The following ZNF322 variants were observed in gnomAD, a reference collection of about 807,000 sequenced individuals.
ZNF322 encodes zinc finger protein 322, also known as HLA complex group 12.
Under a neutral mutation model 18.3 loss-of-function variants are expected in ZNF322, and 1 was observed. The ratio of observed to expected loss-of-function variants is 0.05; its 90% CI spans 0.02 to 0.26. ZNF322 has a LOEUF of 0.26. Ranked by LOEUF, ZNF322 falls within the 10% of genes least tolerant of loss-of-function variation. ZNF322 has a pLI of 1.00. For synonymous variants in ZNF322, 17 were observed against 130.7 expected, an observed-to-expected ratio of 0.13 and a Z score of 5.93; for missense variants, 36 against 403.6, an observed-to-expected ratio of 0.09 and a Z score of 7.80.
chr6:26,646,738 T>G (rs9393739), intron 2 of ZNF322, among the ~76,000 whole-genome samples: 29,637 of 151,974 alleles, frequency 0.2, 3,025 homozygotes, highest in African/African-American at 0.24. Context: ...ACATGAATCA[T>G]CCACAAAAAT....
intron 2 of ZNF322, among the ~76,000 whole-genome samples, chr6:26,646,807 C>T (rs992558772): frequency 6.6e-6 from 1 of 152,058 alleles, no homozygotes. Context: ...TTACAAGAAA[C>T]AATCTGCAAC....
At chr6:26,640,551 T>C (rs912979436) in intron 3 of ZNF322, among the ~76,000 whole-genome samples, 1 of 152,192 alleles carries the variant, frequency 6.6e-6, no homozygotes, top group African/African-American at 2.4e-5. Flanking sequence ...AGTGAAGTCA[T>C]TTCCAACCAC....
In ZNF322 at chr6:26,659,734, C is replaced by G. The variant is rs1243402575; in HGVS notation, c.-628G>C. ...CCCTTTCAAGCTGGCTGGGAAGAGG[C>G]CGGCGCAGCCCCACCCCCGCAAGTC... is the stretch of plus-strand genomic sequence containing the variant. On this transcript the variant is annotated 5_prime_UTR_variant, in exon 1 of 4. Coordinates refer to ENST00000415922, the MANE Select transcript of ZNF322 (RefSeq NM_024639.5). 1.3e-5 allele frequency: 2 copies of G among 153,368 alleles called. No individual in the cohort carries two copies. The highest frequency in any genetic ancestry group is 4.8e-5 in the African/African-American group (2 of 41,488). The allele number at this position is 153,368 out of a possible 1,614,324, so 9.5% of individuals were successfully genotyped here. A position where few individuals can be genotyped will look rare whatever the true frequency, so the allele number is the denominator to read the frequency against.
chr6:26,649,998 A>G (rs1270631945), intron 2 of ZNF322, among the ~76,000 whole-genome samples: 3 of 151,846 alleles, frequency 2.0e-5, no homozygotes, highest in Non-Finnish European at 4.4e-5. Flanking sequence ...CCACTGTGCC[A>G]GCCAAAAACA....
At position 26,649,889 on chromosome 6, in the gene ZNF322, G is replaced by C. The variant is rs542762623; in HGVS notation, c.-245-6161C>G. Among the ~76,000 whole-genome samples, 13 of 150,930 alleles carry C rather than the reference G, an allele frequency of 8.6e-5. No homozygotes were observed. The East Asian group carries it at 2.1e-3, about 25-fold the overall frequency. ...TGGCTAATTCTGTATTTTTAGTAGA[G>C]ACGGGGTCTCTCCATGTTGGTCAGG... On this transcript the variant is annotated intron_variant, in intron 2 of 3. Coordinates refer to ENST00000415922, the MANE Select transcript of ZNF322 (RefSeq NM_024639.5).
At chr6:26,639,246 T>C (rs3762804) in intron 3 of ZNF322, among the ~76,000 whole-genome samples, 6,571 of 152,244 alleles carry the variant, frequency 0.043, 415 homozygotes, top group African/African-American at 0.14. Flanking sequence ...GGATTAATAA[T>C]AGAAACTACC....
At chr6:26,640,786 G>A (rs183832675) in intron 3 of ZNF322, among the ~76,000 whole-genome samples, 89 of 152,180 alleles carry the variant, frequency 5.8e-4, no homozygotes, top group African/African-American at 2.0e-3. Flanking sequence ...CAGACTCCCA[G>A]GTAATTTATG....
At chr6:26,646,175 A>G (rs1291250714) in intron 2 of ZNF322, among the ~76,000 whole-genome samples, 2 of 152,150 alleles carry the variant, frequency 1.3e-5, no homozygotes, top group Non-Finnish European at 2.9e-5. Context: ...AAGTAACAAA[A>G]TACAGTTATA....
rs200129478 is a variant in ZNF322 at position 26,638,268 on chromosome 6, C to T, written c.286G>A (p.Glu96Lys). Residue 96 changes from glutamate to lysine, a missense_variant, in exon 4 of 4, where the codon GAG becomes AAG. Coordinates refer to ENST00000415922, the MANE Select transcript of ZNF322 (RefSeq NM_024639.5). ...CATTTGCTACATTTATAAGGTTTCTCGTAATTGTGGATCCTCTGGTGTGAA... is the reference window on the plus strand; with the variant it reads ...CATTTGCTACATTTATAAGGTTTCTTGTAATTGTGGATCCTCTGGTGTGAA... ...LTSHQRIHNY[E>K]KPYKCSKCEK... 6.2e-6 allele frequency: 10 copies of T among 1,613,616 alleles called. No homozygotes were observed. Among genetic ancestry groups the T allele is most frequent in the South Asian group, 1.1e-5 (1 of 91,046 alleles).
intron 3 of ZNF322, among the ~76,000 whole-genome samples, 186 bp downstream of exon 3, chr6:26,643,473 T>A (rs1765499807): frequency 6.6e-6 from 1 of 152,216 alleles, no homozygotes; most frequent in Non-Finnish European, 1.5e-5. Flanking sequence ...TATACAGTAA[T>A]GCCAGGTACA....
At chr6:26,640,199 G>T (rs1364878122) in intron 3 of ZNF322, among the ~76,000 whole-genome samples, 1 of 152,074 alleles carries the variant, frequency 6.6e-6, no homozygotes, top group African/African-American at 2.4e-5. Context: ...AAATAAACCT[G>T]CTCATTGTCT....
Position 26,657,185 on chromosome 6 carries a change from G to A in ZNF322, c.-246+1373C>T, listed in dbSNP as rs188273461. ...GAATGGTGTGAACCTGGGAGGCAGA[G>A]CTTGCAGTGAGCTGAGATTGTGCCA... On this transcript the variant is annotated intron_variant, in intron 2 of 3. Transcript: ENST00000415922. Among the ~76,000 whole-genome samples, 479 of 151,966 alleles carry A rather than the reference G, an allele frequency of 3.2e-3. 9 individuals are homozygous for A. The highest frequency in any genetic ancestry group is 0.017 in the Admixed American group (254 of 15,276).
chr6:26,651,248 C>CAAAAAAA (rs34112793), intron 2 of ZNF322: 1 of 126,560 alleles, frequency 7.9e-6, no homozygotes, highest in African/African-American at 2.9e-5. Flanking sequence ...CATTCACATG[C>CAAAAAAA]AAAAAAAAAA....
chr6:26,645,544 T>A (rs1241000191), intron 2 of ZNF322, among the ~76,000 whole-genome samples: 1 of 151,932 alleles, frequency 6.6e-6, no homozygotes, highest in Non-Finnish European at 1.5e-5. Context: ...TTGGACCATA[T>A]CCCCCACAAA....
At chr6:26,652,547 G>T (rs1179177758) in intron 2 of ZNF322, among the ~76,000 whole-genome samples, 1 of 152,040 alleles carries the variant, frequency 6.6e-6, no homozygotes, top group African/African-American at 2.4e-5. Context: ...AAAATTAGCT[G>T]AGCCTGGTAG....
At chr6:26,644,574 A>G (rs1474057525) in intron 2 of ZNF322, among the ~76,000 whole-genome samples, 2 of 152,178 alleles carry the variant, frequency 1.3e-5, no homozygotes, top group Non-Finnish European at 2.9e-5. Flanking sequence ...TTATTTGACA[A>G]CTCCAAAAAG....
intron 2 of ZNF322, among the ~76,000 whole-genome samples, chr6:26,657,452 C>T (rs953016245): frequency 7.2e-5 from 11 of 152,114 alleles, no homozygotes; most frequent in Non-Finnish European, 1.3e-4. Flanking sequence ...CTTTATTGGA[C>T]TCAAGTCTCT....
At position 26,636,272 on chromosome 6, in the gene ZNF322, AT is replaced by A. The variant is rs1447222002; in HGVS notation, c.*1072del. On this transcript the variant is annotated 3_prime_UTR_variant, in exon 4 of 4. Transcript: ENST00000415922. ...TACTCCTTTCCCCCAACAGTAACAC[AT>A]GCCACACCTTCTATCATAAGGTTAC... is the stretch of plus-strand genomic sequence containing the variant. The A allele has an allele frequency of 7.0e-6, 1 of 142,686 alleles. No homozygotes were observed. The highest frequency in any genetic ancestry group is 1.5e-5 in the Non-Finnish European group (1 of 65,594). The allele number at this position is 142,686 out of a possible 1,614,324, so 8.8% of individuals were successfully genotyped here. A position where few individuals can be genotyped will look rare whatever the true frequency, so the allele number is the denominator to read the frequency against.
Position 26,638,364 on chromosome 6 carries a change from T to C in ZNF322, c.190A>G (p.Thr64Ala). ...TTATAAGGTTTCTCCCCAGTATGGG[T>C]TCTCTCACACATAATAAGAGCTAAG... Reference protein sequence around the residue: ...ENLALIMCERTHTGEKPYKCD... With the variant: ...ENLALIMCERAHTGEKPYKCD... The change falls in exon 4 of 4, where the codon ACC becomes GCC. Residue 64 changes from threonine (T) to alanine (A), a missense_variant. Thr to Ala is a moderately conservative substitution (Grantham distance 58). Transcript: ENST00000415922. The C allele has an allele frequency of 4.3e-6, 7 of 1,613,868 alleles. No individual in the cohort carries two copies. The highest frequency in any genetic ancestry group is 5.9e-6 in the Non-Finnish European group (7 of 1,179,782).
Sources: gnomAD v4.1 joint callset for allele counts (sites outside exome capture counted in the v4.1 genomes callset) on GRCh38, gnomAD v4.1.1 for gene constraint, MANE v1.5 for transcripts, NCBI Gene and HGNC (gene_info 2026-07-23, HGNC 2026-07-21) for gene names.